Variants in SPAG16 observed in about 807,000 individuals in gnomAD.
The protein encoded by SPAG16 is sperm-associated antigen 16 protein.
SPAG16 carries 86 observed loss-of-function variants against 80.4 expected under a neutral mutation model. The observed-to-expected ratio is 1.07, with a 90% confidence interval of 0.90 to 1.28. SPAG16 has a LOEUF of 1.28. Ranked by LOEUF, SPAG16 falls within the 50% of genes most tolerant of loss-of-function variation. The pLI is 0.00. For synonymous variants in SPAG16, 294 were observed against 265.9 expected (o/e 1.11, Z -1.03); for missense variants, 870 against 765.3 (o/e 1.14, Z -1.61).
At position 213,920,392 on chromosome 2, in the gene SPAG16, G is replaced by A. The variant is rs140477413; in HGVS notation, c.1215-9568G>A. 1.4e-4 allele frequency among the ~76,000 whole-genome samples: 21 copies of A among 152,234 alleles called. 1 individual carries two copies. The East Asian group carries it at 3.9e-3, about 28-fold the overall frequency. On this transcript the variant is annotated intron_variant, in intron 11 of 15. Transcript: ENST00000331683. ...TATAGTGTCACTGGTCTGTATACTGGCAGGTTAGGATGCATGCACACACAC... is the reference window on the plus strand; with the variant it reads ...TATAGTGTCACTGGTCTGTATACTGACAGGTTAGGATGCATGCACACACAC...
chr2:213,498,445 A>G (rs2074589252), intron 10 of SPAG16, among the ~76,000 whole-genome samples: 1 of 152,184 alleles, frequency 6.6e-6, no homozygotes, highest in African/African-American at 2.4e-5. Context: ...ATTGGTTTAT[A>G]TCATTAAATT....
At chr2:214,158,635 AAAG>A (rs2056313723) in intron 15 of SPAG16, among the ~76,000 whole-genome samples, 1 of 152,046 alleles carries the variant, frequency 6.6e-6, no homozygotes, top group South Asian at 2.1e-4. Flanking sequence ...AGGTGCAGTC[AAAG>A]GAGTGTCATT....
chr2:214,199,945 G>T (rs1576479210), intron 15 of SPAG16, among the ~76,000 whole-genome samples: 2 of 152,264 alleles, frequency 1.3e-5, no homozygotes, highest in Admixed American at 1.3e-4. Context: ...TGTGTACACT[G>T]ATTTTGTATC....
At chr2:213,497,565 G>C (rs187334640) in intron 10 of SPAG16, among the ~76,000 whole-genome samples, 5 of 151,774 alleles carry the variant, frequency 3.3e-5, no homozygotes, top group Admixed American at 3.3e-4. Flanking sequence ...GTGATAGACC[G>C]ACAGTTGCCC....
At chr2:213,300,265 C>G (rs1458902260) in intron 3 of SPAG16, among the ~76,000 whole-genome samples, 1 of 152,068 alleles carries the variant, frequency 6.6e-6, no homozygotes, top group African/African-American at 2.4e-5. Flanking sequence ...TCTCCCTTCC[C>G]TCCTCCTCCT....
At chr2:214,323,150 A>G (rs1019891809) in intron 15 of SPAG16, among the ~76,000 whole-genome samples, 1 of 151,900 alleles carries the variant, frequency 6.6e-6, no homozygotes, top group Non-Finnish European at 1.5e-5. Flanking sequence ...CGTATTTAGT[A>G]TTTGTCCTAC....
At chr2:214,106,613 G>T (rs2053396490) in intron 13 of SPAG16, among the ~76,000 whole-genome samples, 1 of 152,074 alleles carries the variant, frequency 6.6e-6, no homozygotes, top group Non-Finnish European at 1.5e-5. Flanking sequence ...TTCCAACTTT[G>T]CTTGGTTCAG....
At position 213,602,775 on chromosome 2, in the gene SPAG16, C is replaced by A. The variant is rs556467484; in HGVS notation, c.1070+112685C>A. 1.8e-3 allele frequency among the ~76,000 whole-genome samples: 267 copies of A among 152,110 alleles called. 1 individual carries two copies. Among genetic ancestry groups the A allele is most frequent in the African/African-American group, 6.2e-3 (259 of 41,506 alleles). ...TTGTATATTTTTCTCAAATGATTAC[C>A]AATTTCTTAGTTTTATATATTGAAC... On this transcript the variant is annotated intron_variant, in intron 10 of 15. Transcript: ENST00000331683.
intron 15 of SPAG16, among the ~76,000 whole-genome samples, chr2:214,336,004 G>A (rs899098208): frequency 3.0e-4 from 45 of 152,010 alleles, no homozygotes; most frequent in Non-Finnish European, 4.6e-4. Flanking sequence ...TGATCCACCC[G>A]CCTTGGCCTC....
At chr2:214,302,368 A>C (rs1475960070) in intron 15 of SPAG16, among the ~76,000 whole-genome samples, 1 of 152,200 alleles carries the variant, frequency 6.6e-6, no homozygotes, top group Non-Finnish European at 1.5e-5. Flanking sequence ...CCGTCATGTA[A>C]TGACTGGTGA....
In SPAG16 at chr2:213,997,588, A is replaced by G. The variant is rs77711354; in HGVS notation, c.1401-16363A>G. Among the ~76,000 whole-genome samples, 15 of 152,312 alleles carry G rather than the reference A, an allele frequency of 9.8e-5. No individual in the cohort carries two copies. In the East Asian group the frequency reaches 2.9e-3, roughly 29 times the overall value. ...TATATTTTCCCACTTTCTTTTTAACAGTGAATTATATCCTCATTCAAACAT... is the reference window on the plus strand; with the variant it reads ...TATATTTTCCCACTTTCTTTTTAACGGTGAATTATATCCTCATTCAAACAT... On this transcript the variant is annotated intron_variant, in intron 12 of 15. Coordinates refer to ENST00000331683, the MANE Select transcript of SPAG16 (RefSeq NM_024532.5).
At chr2:214,128,393 A>G (rs560732224) in intron 14 of SPAG16, among the ~76,000 whole-genome samples, 53 of 151,894 alleles carry the variant, frequency 3.5e-4, no homozygotes, top group African/African-American at 1.3e-3. Flanking sequence ...AACAAGAGAG[A>G]TTTTAAAACT....
chr2:213,618,354 A>T lies in SPAG16; in HGVS notation c.1070+128264A>T, dbSNP rs187032924. Among the ~76,000 whole-genome samples, 26 of 152,228 alleles carry T rather than the reference A, an allele frequency of 1.7e-4. 1 individual carries two copies. Among genetic ancestry groups the T allele is most frequent in the Middle Eastern group, 3.4e-3 (1 of 294 alleles). ...CCTGATCACTCCCTAGTCTATTATGATATTTTTCCTTCATAGCAGTCATTA... is the reference window on the plus strand; with the variant it reads ...CCTGATCACTCCCTAGTCTATTATGTTATTTTTCCTTCATAGCAGTCATTA... On this transcript the variant is annotated intron_variant, in intron 10 of 15. Transcript: ENST00000331683.
At chr2:214,410,075 A>G (rs1303997061) in intron 15 of SPAG16, 65 bp from the exon 16 acceptor site, 8 of 1,572,042 alleles carry the variant, frequency 5.1e-6, no homozygotes. Context: ...ATTGCTTATA[A>G]ACTGTGAACA....
At chr2:213,337,696 A>G (rs2064442426) in intron 5 of SPAG16, among the ~76,000 whole-genome samples, 2 of 152,164 alleles carry the variant, frequency 1.3e-5, no homozygotes, top group South Asian at 4.1e-4. Context: ...AAAGGAATGA[A>G]AAAAACCTCT....
chr2:214,356,372 T>A lies in SPAG16; in HGVS notation c.1721-53768T>A, dbSNP rs144548763. Among the ~76,000 whole-genome samples, 6 of 152,032 alleles carry A rather than the reference T, an allele frequency of 3.9e-5. No homozygotes were observed. The South Asian group carries it at 1.2e-3, about 32-fold the overall frequency. On this transcript the variant is annotated intron_variant, in intron 15 of 15. Coordinates refer to ENST00000331683, the MANE Select transcript of SPAG16 (RefSeq NM_024532.5). ...TAGGATTGCATGCAAGTGATCCCAA[T>A]TGACACAATATGGAAGACAGTGGAG...
At chr2:214,112,233 A>T (rs2053702088) in intron 14 of SPAG16, among the ~76,000 whole-genome samples, 1 of 152,122 alleles carries the variant, frequency 6.6e-6, no homozygotes, top group African/African-American at 2.4e-5. Flanking sequence ...ACTTCCAATT[A>T]TGTGGTCCAT....
intron 10 of SPAG16, among the ~76,000 whole-genome samples, chr2:213,495,613 C>A (rs1055458868): frequency 2.0e-5 from 3 of 152,154 alleles, no homozygotes; most frequent in African/African-American, 7.2e-5. Flanking sequence ...CAATAGTGAA[C>A]ACATGCTGTA....
intron 15 of SPAG16, among the ~76,000 whole-genome samples, chr2:214,279,303 G>A (rs975166448): frequency 3.3e-5 from 5 of 152,156 alleles, no homozygotes; most frequent in South Asian, 4.1e-4. Flanking sequence ...CACCATGTTC[G>A]CAAGGATGGT....
Sources: gnomAD v4.1 joint callset for allele counts (sites outside exome capture counted in the v4.1 genomes callset) on GRCh38, gnomAD v4.1.1 for gene constraint, MANE v1.5 for transcripts, NCBI Gene and HGNC (gene_info 2026-07-23, HGNC 2026-07-21) for gene names.